Variants in P3H3 observed in about 807,000 individuals in gnomAD.
P3H3 encodes the protein prolyl 3-hydroxylase 3.
Under a neutral mutation model 78.1 loss-of-function variants are expected in P3H3, and 64 were observed. The ratio of observed to expected loss-of-function variants is 0.82; its 90% confidence interval spans 0.67 to 1.01. The LOEUF is 1.01. Among genes scored for constraint, P3H3 ranks in the 50% least tolerant of loss-of-function variants. The pLI, the probability that P3H3 is intolerant of heterozygous loss-of-function variation, is 0.00. For synonymous variants in P3H3, 425 were observed against 416.7 expected (o/e 1.02, Z -0.24); for missense variants, 975 against 982.2 (o/e 0.99, Z 0.10).
chr12:6,828,536 G>GC lies in P3H3; in HGVS notation c.101dup (p.Gln35AlafsTer9). ...GCCTGACCCAGCTGTCCCCGGGGGC[G>GC]CCCCCGCAGGCCCCCGACTTGCTCT... On this transcript the variant is annotated frameshift_variant, in exon 1 of 15. Coordinates refer to ENST00000290510, the MANE Select transcript of P3H3 (RefSeq NM_014262.5). LOFTEE classifies it high-confidence loss of function. 1 of 1,277,352 alleles carries GC rather than the reference G, an allele frequency of 7.8e-7. No homozygotes were observed. The highest frequency in any genetic ancestry group is 9.9e-7 in the Non-Finnish European group (1 of 1,010,878). The allele number at this position is 1,277,352 out of a possible 1,614,324, so 79.1% of individuals were successfully genotyped here.
rs1037193339 is a variant in P3H3 at position 6,839,719 on chromosome 12, C to G, written c.*258C>G. On this transcript the variant is annotated 3_prime_UTR_variant, in exon 15 of 15. Coordinates refer to ENST00000290510, the MANE Select transcript of P3H3 (RefSeq NM_014262.5). The stretch of plus-strand genomic sequence containing the variant: ...TGCAGCCCTGGACAGATGGGGAACA[C>G]TGTGCCTCCCTGAACAGAAATGGCA... 6.7e-4 allele frequency: 326 copies of G among 488,290 alleles called. No individual in the cohort carries two copies. The highest frequency in any genetic ancestry group is 9.3e-4 in the Non-Finnish European group (254 of 272,254). 30.2% of individuals were successfully genotyped at this position (488,290 alleles called of 1,614,324 possible).
intron 12 of P3H3, 25 bp from the exon 13 acceptor site, chr12:6,837,933 G>A (rs922147769): frequency 1.9e-6 from 3 of 1,596,458 alleles, no homozygotes; most frequent in Non-Finnish European, 2.6e-6. Flanking sequence ...GGGTCTCACT[G>A]CCTCTTGCTT....
At position 6,828,486 on chromosome 12, in the gene P3H3, C is replaced by A; in HGVS notation, c.46C>A (p.Pro16Thr). Residue 16 changes from proline to threonine, a missense_variant, in exon 1 of 15, where the codon CCC (proline) becomes ACC (threonine). Physicochemically the swap from Pro to Thr is conservative, Grantham distance 38. Transcript: ENST00000290510. ...GCTGCTGCTACTGCTGCTGCTGCCT[C>A]CCCCGGGGTCCCCTGAGCCCCCCGG... is the stretch of plus-strand genomic sequence containing the variant. ...RPLLLLLLLP[P>T]PGSPEPPGLT... 1 of 1,288,022 alleles carries A rather than the reference C, an allele frequency of 7.8e-7. No individual in the cohort carries two copies. The highest frequency in any genetic ancestry group is 1.0e-6 in the Non-Finnish European group (1 of 963,856). The allele number at this position is 1,288,022 out of a possible 1,614,324, so 79.8% of individuals were successfully genotyped here. A position where few individuals can be genotyped will look rare whatever the true frequency, so the allele number is the denominator to read the frequency against.
rs1555121794 is a variant in P3H3 at position 6,833,971 on chromosome 12, G to A, written c.1380G>A (p.Gln460=). The change falls in exon 9 of 15, where the codon CAG becomes CAA. Residue 460 remains glutamine (Q), a synonymous_variant. Transcript: ENST00000290510. The stretch of plus-strand genomic sequence containing the variant: ...TGACCTTGACCCAGGATTCCAGGCA[G>A]CTGAATGGGTCGGAGCGGGCGGTGT... ...EGVTLTQDSR[Q]LNGSERAVLD... is the part of the protein sequence containing the mutation. 3.1e-6 allele frequency: 5 copies of A among 1,613,916 alleles called. No homozygotes were observed. Among genetic ancestry groups the A allele is most frequent in the Non-Finnish European group, 4.2e-6 (5 of 1,179,896 alleles).
At chr12:6,837,358 G>C in intron 10 of P3H3, 65 bp from the exon 11 acceptor site, 1 of 1,545,650 alleles carries the variant, frequency 6.5e-7, no homozygotes, top group Non-Finnish European at 8.7e-7. Context: ...TTGGGCAGGG[G>C]CTAGGGCCGA....
chr12:6,834,158 C>A, intron 9 of P3H3, 109 bp downstream of exon 9: 1 of 1,515,782 alleles, frequency 6.6e-7, no homozygotes, highest in Non-Finnish European at 8.9e-7. Flanking sequence ...ATTATCCAAC[C>A]GGGACTGTGC....
In P3H3 at chr12:6,830,767, C is replaced by T; in HGVS notation, c.982C>T (p.Gln328Ter). The T allele has an allele frequency of 1.2e-6, 2 of 1,613,972 alleles. No individual in the cohort carries two copies. Among genetic ancestry groups the T allele is most frequent in the Non-Finnish European group, 1.7e-6 (2 of 1,179,866 alleles). ...QLRRLHEAHA[Q>*]VGNLSQAIEN... ...GAGGCGGCTACATGAGGCCCATGCT[C>T]AGGGTCAGTTGGGGAAGGGTGGAAA... Residue 328 changes from glutamine to a stop codon, truncating the protein, a stop_gained, in exon 4 of 15, where the codon CAG becomes TAG. Coordinates refer to ENST00000290510, the MANE Select transcript of P3H3 (RefSeq NM_014262.5). LOFTEE classifies it high-confidence loss of function.
At chr12:6,836,882 T>C (rs1171413976) in intron 9 of P3H3, 103 bp from the exon 10 acceptor site, 1 of 774,818 alleles carries the variant, frequency 1.3e-6, no homozygotes, top group Non-Finnish European at 2.1e-6. Flanking sequence ...TGGGAGCATC[T>C]AGCTTCTTCT....
At position 6,829,987 on chromosome 12, in the gene P3H3, G is replaced by C; in HGVS notation, c.627G>C (p.Arg209=). 1 of 1,613,944 alleles carries C rather than the reference G, an allele frequency of 6.2e-7. No homozygotes were observed. Among genetic ancestry groups the C allele is most frequent in the African/African-American group, 1.3e-5 (1 of 75,040 alleles). ...CGGGAGTTCGGCCCCAGAGCTTCCG[G>C]GACCTGGAGACGCCCCCACACTGGG... is the stretch of plus-strand genomic sequence containing the variant. ...RMSGVRPQSF[R]DLETPPHWAA... is the part of the protein sequence containing the mutation. Residue 209 remains arginine (R), a synonymous_variant, in exon 2 of 15, where the codon CGG becomes CGC. Coordinates refer to ENST00000290510, the MANE Select transcript of P3H3 (RefSeq NM_014262.5). The surrounding 1 kb of genome is among the most constrained non-coding windows in gnomAD (Gnocchi z 5.1).
rs1449301414 is a variant in P3H3 at position 6,831,156 on chromosome 12, A to G, written c.986-60A>G. ...CTTCTCCAGCACTGCCTCTGCCCCA[A>G]GGATCAATGTGCTCTAAGTATTCAT... On this transcript the variant is annotated intron_variant, in intron 4 of 14. Coordinates refer to ENST00000290510, the MANE Select transcript of P3H3 (RefSeq NM_014262.5). The surrounding 1 kb of genome is among the most constrained non-coding windows in gnomAD (Gnocchi z 4.6). 3.7e-6 allele frequency: 6 copies of G among 1,606,376 alleles called. No individual in the cohort carries two copies. The East Asian group carries it at 1.3e-4, about 36-fold the overall frequency.
intron 9 of P3H3, among the ~76,000 whole-genome samples, chr12:6,835,604 ATAATTAATTAAT>A (rs566922041): frequency 7.9e-5 from 12 of 152,042 alleles, no homozygotes; most frequent in African/African-American, 2.2e-4. Flanking sequence ...ATTTTTTTAA[ATAATTAATTAAT>A]TAATTAATTA....
chr12:6,830,158 C>A, intron 2 of P3H3, 147 bp downstream of exon 2: 1 of 1,122,740 alleles, frequency 8.9e-7, no homozygotes, highest in Non-Finnish European at 1.3e-6. Flanking sequence ...TTCTCTAGGA[C>A]TTCGTTTCCT....
At position 6,829,440 on chromosome 12, in the gene P3H3, A is replaced by T. The variant is rs1377804880; in HGVS notation, c.499-419A>T. On this transcript the variant is annotated intron_variant, in intron 1 of 14. Transcript: ENST00000290510. This position sits in a 1 kb window ranked among gnomAD's most constrained non-coding sequence, Gnocchi z 5.1. The stretch of plus-strand genomic sequence containing the variant: ...AGCACGCCGCAGCCGCCGGTACCGC[A>T]GCAGTTGCCTACGTGGCTGGGGAAG... The T allele has an allele frequency of 1.7e-5, 4 of 241,380 alleles. No individual in the cohort carries two copies. The highest frequency in any genetic ancestry group is 3.2e-5 in the Non-Finnish European group (4 of 124,386). The allele number at this position is 241,380 out of a possible 1,614,324, so 15.0% of individuals were successfully genotyped here. A position where few individuals can be genotyped will look rare whatever the true frequency, so the allele number is the denominator to read the frequency against.
chr12:6,839,176 G>T, intron 14 of P3H3, 36 bp downstream of exon 14: 3 of 1,579,570 alleles, frequency 1.9e-6, no homozygotes, highest in Non-Finnish European at 2.6e-6. Context: ...TGGTTCTCCT[G>T]GTGCGTGAAG....
chr12:6,837,727 C>T lies in P3H3; in HGVS notation c.1712-5C>T. ...GAGGTACCCCCAGACCCCTTTGTGT[C>T]CTAGGAGAGCAAGAGCAGCGCATGG... On this transcript the variant is annotated splice_region_variant and splice_polypyrimidine_tract_variant and intron_variant, in intron 11 of 14. Transcript: ENST00000290510. The T allele has an allele frequency of 1.9e-6, 3 of 1,609,562 alleles. No individual in the cohort carries two copies. Among genetic ancestry groups the T allele is most frequent in the Non-Finnish European group, 2.5e-6 (3 of 1,177,876 alleles).
chr12:6,836,779 G>A (rs1016835302), intron 9 of P3H3, among the ~76,000 whole-genome samples: 7 of 152,198 alleles, frequency 4.6e-5, no homozygotes, highest in African/African-American at 1.7e-4. Context: ...CGGGATTCCA[G>A]CCCGTACCAG....
rs782299759 is a variant in P3H3, at chr12:6,830,416, C to T, written c.715C>T (p.Leu239=). Residue 239 remains leucine (L), a synonymous_variant, in exon 3 of 15, where the codon CTA becomes TTA. Coordinates refer to ENST00000290510, the MANE Select transcript of P3H3 (RefSeq NM_014262.5). ...RQEAGLALPR[L]EEALQGSLAQ... ...GGAGGCAGGACTGGCACTGCCCAGGCTAGAGGAGGCTCTTCAGGGGAGCCT... is the reference window on the plus strand; with the variant it reads ...GGAGGCAGGACTGGCACTGCCCAGGTTAGAGGAGGCTCTTCAGGGGAGCCT... The T allele has an allele frequency of 6.3e-7, 1 of 1,587,694 alleles. No individual in the cohort carries two copies. The highest frequency in any genetic ancestry group is 8.6e-7 in the Non-Finnish European group (1 of 1,168,254).
In P3H3 at chr12:6,829,038, C is replaced by G. The variant is rs769788972; in HGVS notation, c.498+100C>G. The G allele has an allele frequency of 5.4e-6, 4 of 736,884 alleles. No individual in the cohort carries two copies. Among genetic ancestry groups the G allele is most frequent in the Non-Finnish European group, 7.5e-6 (4 of 535,992 alleles). The allele number at this position is 736,884 out of a possible 1,614,324, so 45.6% of individuals were successfully genotyped here. A position where few individuals can be genotyped will look rare whatever the true frequency, so the allele number is the denominator to read the frequency against. ...GTAGGCGGAATGCTGTTGCCCGGGC[C>G]CCGCACGGGGCTGGGGAGCGTACCG... On this transcript the variant is annotated intron_variant, in intron 1 of 14. Transcript: ENST00000290510. This position sits in a 1 kb window ranked among gnomAD's most constrained non-coding sequence, Gnocchi z 5.1.
In P3H3 at chr12:6,837,043, C is replaced by G. The variant is rs782119201; in HGVS notation, c.1517C>G (p.Pro506Arg). Reference sequence around the variant, plus strand: ...CGTGGTCGCCGCTCCCCTCACACCCCCCATGAACGCTTCGAGGGGCTCACG... The same window carrying G: ...CGTGGTCGCCGCTCCCCTCACACCCGCCATGAACGCTTCGAGGGGCTCACG... ...GYRGRRSPHT[P>R]HERFEGLTVL... The change falls in exon 10 of 15, where the codon CCC becomes CGC. Residue 506 changes from proline to arginine, a missense_variant. Physicochemically the swap from Pro to Arg is moderately radical, Grantham distance 103 (BLOSUM62 -2). Coordinates refer to ENST00000290510, the MANE Select transcript of P3H3 (RefSeq NM_014262.5). The G allele has an allele frequency of 2.1e-5, 34 of 1,607,984 alleles. No individual in the cohort carries two copies. The highest frequency in any genetic ancestry group is 2.6e-5 in the Non-Finnish European group (31 of 1,179,818).
Sources: gnomAD v4.1 joint callset for allele counts (sites outside exome capture counted in the v4.1 genomes callset) on GRCh38, gnomAD v4.1.1 for gene constraint, Gnocchi (gnomAD v3.1) non-coding constraint, MANE v1.5 for transcripts, NCBI Gene and HGNC (gene_info 2026-07-23, HGNC 2026-07-21) for gene names.